Variants in PLCH1 observed in about 807,000 individuals in gnomAD.
The protein encoded by PLCH1 is phospholipase C eta 1.
Under a neutral mutation model 126.7 loss-of-function variants are expected in PLCH1, and 60 were observed. The observed-to-expected ratio is 0.47, with a 90% CI of 0.38 to 0.59. The LOEUF is 0.59. Among genes scored for constraint, PLCH1 ranks in the 20% least tolerant of loss-of-function variants. The pLI, the probability that PLCH1 is intolerant of heterozygous loss-of-function variation, is 0.00. For missense variants in PLCH1, 1,723 were observed against 2,040.0 expected (o/e 0.84, Z 2.99); for synonymous variants, 719 against 734.9 (o/e 0.98, Z 0.35).
intron 2 of PLCH1, among the ~76,000 whole-genome samples, chr3:155,667,983 G>A (rs1742961474): frequency 6.7e-6 from 1 of 149,166 alleles, no homozygotes; most frequent in South Asian, 2.1e-4. Context: ...TACTCAGGAG[G>A]CTAAGGCAGG....
At chr3:155,453,819 TATAG>T (rs1283735733) in intron 21 of PLCH1, among the ~76,000 whole-genome samples, 6 of 151,498 alleles carry the variant, frequency 4.0e-5, no homozygotes, top group African/African-American at 1.2e-4. Flanking sequence ...TATAGATAAA[TATAG>T]ATATTCTATT....
chr3:155,737,695 G>T (rs1014923794), intron 1 of PLCH1, among the ~76,000 whole-genome samples: 6 of 152,144 alleles, frequency 3.9e-5, no homozygotes, highest in Non-Finnish European at 8.8e-5. Context: ...TTGGCAAAAA[G>T]AAATAGGATG....
intron 2 of PLCH1, among the ~76,000 whole-genome samples, chr3:155,696,951 G>C (rs1305535009): frequency 6.6e-6 from 1 of 152,206 alleles, no homozygotes; most frequent in Non-Finnish European, 1.5e-5. Context: ...AATGAACACT[G>C]TCACTTCTCA....
chr3:155,463,183 A>AC (rs1223162607), intron 21 of PLCH1, among the ~76,000 whole-genome samples: 1 of 151,948 alleles, frequency 6.6e-6, no homozygotes, highest in Non-Finnish European at 1.5e-5. Context: ...ATGCACTCCC[A>AC]CCCCCCAGTG....
chr3:155,644,949 T>C (rs1422692773), intron 2 of PLCH1, among the ~76,000 whole-genome samples: 1 of 152,198 alleles, frequency 6.6e-6, no homozygotes, highest in African/African-American at 2.4e-5. Context: ...AAAATTTCTT[T>C]TTTACTTATT....
intron 2 of PLCH1, among the ~76,000 whole-genome samples, chr3:155,632,285 T>TCA (rs1738144382): frequency 6.6e-6 from 1 of 152,210 alleles, no homozygotes; most frequent in Non-Finnish European, 1.5e-5. Flanking sequence ...CTACCCACTT[T>TCA]CACACACGCT....
chr3:155,694,555 C>G (rs430008), intron 2 of PLCH1, among the ~76,000 whole-genome samples: 60,657 of 152,060 alleles, frequency 0.4, 12,853 homozygotes, highest in African/African-American at 0.53. Context: ...AGTAAAACTA[C>G]GACACTAAAC....
rs571858580 is a variant in PLCH1 at position 155,530,507 on chromosome 3, C to T, written c.1363-6503G>A. Among the ~76,000 whole-genome samples the T allele has an allele frequency of 1.6e-3, 242 of 152,012 alleles. 1 individual carries two copies. Among genetic ancestry groups the T allele is most frequent in the African/African-American group, 5.5e-3 (228 of 41,446 alleles). On this transcript the variant is annotated intron_variant, in intron 10 of 22. Coordinates refer to ENST00000460012, the MANE Select transcript of PLCH1 (RefSeq NM_014996.4). ...AATTTTTTTGTATTTTTAGTAGAGA[C>T]GGGGTTTCACTGTGTTAGCCAGGCT...
intron 2 of PLCH1, among the ~76,000 whole-genome samples, chr3:155,627,525 T>C (rs1232706406): frequency 6.6e-6 from 1 of 151,690 alleles, no homozygotes; most frequent in Non-Finnish European, 1.5e-5. Flanking sequence ...TACCAACTAC[T>C]TGGGAGGCTG....
At chr3:155,641,372 T>C (rs1739382487) in intron 2 of PLCH1, among the ~76,000 whole-genome samples, 2 of 152,144 alleles carry the variant, frequency 1.3e-5, no homozygotes, top group South Asian at 2.1e-4. Flanking sequence ...TATTTCTCTC[T>C]GTATGATAAG....
intron 21 of PLCH1, among the ~76,000 whole-genome samples, chr3:155,471,365 A>C (rs1440279570): frequency 4.6e-5 from 7 of 152,080 alleles, no homozygotes; most frequent in Admixed American, 1.3e-4. Context: ...TCAATTCAAC[A>C]AGAAGAGCTA....
chr3:155,543,336 G>T (rs955161195), intron 10 of PLCH1, among the ~76,000 whole-genome samples: 1 of 152,064 alleles, frequency 6.6e-6, no homozygotes, highest in Admixed American at 6.5e-5. Flanking sequence ...GAAGTTTAGA[G>T]GAAAAAGAAT....
At position 155,485,352 on chromosome 3, in the gene PLCH1, T is replaced by C. The variant is rs764292402; in HGVS notation, c.2974+4A>G. The C allele has an allele frequency of 1.2e-5, 19 of 1,582,838 alleles. No homozygotes were observed. The highest frequency in any genetic ancestry group is 1.6e-5 in the Non-Finnish European group (18 of 1,154,540). On this transcript the variant is annotated splice_donor_region_variant and intron_variant, in intron 22 of 22. Transcript: ENST00000460012. ...TATTCTCAGAGAAACTTAAAGCATC[T>C]TACCTAGAGAGTTTTCTTTTCCTTC...
chr3:155,569,214 C>T (rs1003214256), intron 6 of PLCH1, among the ~76,000 whole-genome samples: 2 of 152,108 alleles, frequency 1.3e-5, no homozygotes, highest in African/African-American at 4.8e-5. Flanking sequence ...GATCAAAAAT[C>T]CATTTAGTCC....
intron 5 of PLCH1, among the ~76,000 whole-genome samples, chr3:155,584,552 A>G (rs1731115830): frequency 6.6e-6 from 1 of 152,224 alleles, no homozygotes; most frequent in South Asian, 2.1e-4. Context: ...CCATAAAACT[A>G]TTGGGGATAA....
intron 2 of PLCH1, among the ~76,000 whole-genome samples, 170 bp downstream of exon 2, chr3:155,703,976 G>C (rs193300540): frequency 2.3e-4 from 35 of 152,292 alleles, no homozygotes; most frequent in Non-Finnish European, 4.1e-4. Flanking sequence ...CTTACAAGTG[G>C]AGATAGTAAG....
At chr3:155,691,595 A>G (rs967004992) in intron 2 of PLCH1, among the ~76,000 whole-genome samples, 3 of 152,216 alleles carry the variant, frequency 2.0e-5, no homozygotes, top group African/African-American at 7.2e-5. Flanking sequence ...ACAGGGACTG[A>G]CACAGCTTGC....
chr3:155,611,249 C>A lies in PLCH1; in HGVS notation c.80-14871G>T, dbSNP rs148454035. 3.9e-4 allele frequency among the ~76,000 whole-genome samples: 59 copies of A among 152,000 alleles called. No homozygotes were observed. In the East Asian group the frequency reaches 0.011, roughly 27 times the overall value. ...ATTAAAAATACAAAAATTAGCCAGG[C>A]ATCGTGGTGGAGTCCTGTAATCCCA... On this transcript the variant is annotated intron_variant, in intron 2 of 22. Transcript: ENST00000460012.
chr3:155,485,934 A>G, intron 21 of PLCH1: 4 of 601,034 alleles, frequency 6.7e-6, no homozygotes, highest in Non-Finnish European at 5.9e-6. Context: ...TCTTACATCA[A>G]GCTTTCCCAG....
Sources: gnomAD v4.1 joint callset for allele counts (sites outside exome capture counted in the v4.1 genomes callset) on GRCh38, gnomAD v4.1.1 for gene constraint, MANE v1.5 for transcripts, NCBI Gene and HGNC (gene_info 2026-07-23, HGNC 2026-07-21) for gene names.